NCOR2: variants seen among roughly 807,000 people sequenced by gnomAD.
NCOR2 encodes the protein nuclear receptor corepressor 2, also known as CTG repeat protein 26.
In NCOR2, 81 loss-of-function variants were observed where a neutral mutation model predicts 262.9. The observed-to-expected ratio is 0.31, with a 90% CI of 0.26 to 0.37. NCOR2 has a LOEUF of 0.37. Ranked by LOEUF, NCOR2 falls within the 10% of genes least tolerant of loss-of-function variation. NCOR2 has a pLI of 1.00. For missense variants in NCOR2, 3,385 were observed against 3,621.4 expected, an observed-to-expected ratio of 0.93 and a Z score of 1.68; for synonymous variants, 1,659 against 1,559.3, an observed-to-expected ratio of 1.06 and a Z score of -1.51.
In NCOR2 at chr12:124,457,626, C is replaced by A. The variant is rs1182196302; in HGVS notation, c.706-464G>T. On this transcript the variant is annotated intron_variant, in intron 5 of 46. Transcript: ENST00000405201. The surrounding 1 kb of genome is among the most constrained non-coding windows in gnomAD (Gnocchi z 4.0). ...AGGAGGAGGGAGGGTGAGATAGAGGCGCTCGGAGATACCCTTTCTAGGATT... is the reference window on the plus strand; with the variant it reads ...AGGAGGAGGGAGGGTGAGATAGAGGAGCTCGGAGATACCCTTTCTAGGATT... Among the ~76,000 whole-genome samples, 1 of 152,170 alleles carries A rather than the reference C, an allele frequency of 6.6e-6. No individual in the cohort carries two copies. Among genetic ancestry groups the A allele is most frequent in the Non-Finnish European group, 1.5e-5 (1 of 68,024 alleles).
At chr12:124,485,531 T>C (rs2047725758) in intron 2 of NCOR2, among the ~76,000 whole-genome samples, 1 of 152,214 alleles carries the variant, frequency 6.6e-6, no homozygotes, top group Admixed American at 6.5e-5. Flanking sequence ...GGAATGCACT[T>C]CTGTGGCTTG....
At chr12:124,456,725 C>A (rs1223593839) in intron 6 of NCOR2, among the ~76,000 whole-genome samples, 1 of 152,224 alleles carries the variant, frequency 6.6e-6, no homozygotes, top group African/African-American at 2.4e-5. Flanking sequence ...AAGCGGTGCA[C>A]CTGGGAGTGG....
intron 23 of NCOR2, among the ~76,000 whole-genome samples, chr12:124,355,945 A>G (rs1392460413): frequency 6.6e-6 from 1 of 152,120 alleles, no homozygotes. Context: ...TGTGCCCTCG[A>G]TGGCTCCCAC....
rs2044943957 is a variant in NCOR2, at chr12:124,443,322, G to A, written c.816-5326C>T. 1.3e-5 allele frequency among the ~76,000 whole-genome samples: 2 copies of A among 152,082 alleles called. No individual in the cohort carries two copies. The highest frequency in any genetic ancestry group is 2.9e-5 in the Non-Finnish European group (2 of 68,012). ...GTGTGAATCCACCCTGGCTGATCCAGGTTTCCTCCCAAAGCAAGGACACTG... is the reference window on the plus strand; with the variant it reads ...GTGTGAATCCACCCTGGCTGATCCAAGTTTCCTCCCAAAGCAAGGACACTG... On this transcript the variant is annotated intron_variant, in intron 7 of 46. Transcript: ENST00000405201. The surrounding 1 kb of genome is among the most constrained non-coding windows in gnomAD (Gnocchi z 4.4).
intron 10 of NCOR2, among the ~76,000 whole-genome samples, chr12:124,428,249 C>T (rs1319313580): frequency 2.6e-5 from 4 of 152,222 alleles, no homozygotes; most frequent in East Asian, 1.9e-4. Flanking sequence ...GGGGCTGACA[C>T]GGCCCAGCTC....
chr12:124,480,892 A>G (rs2047426782), intron 3 of NCOR2, among the ~76,000 whole-genome samples: 1 of 136,072 alleles, frequency 7.3e-6, no homozygotes, highest in Admixed American at 7.2e-5. Flanking sequence ...GGGAGGGGCA[A>G]GGCCACTGGT....
intron 3 of NCOR2, among the ~76,000 whole-genome samples, chr12:124,475,729 G>A (rs1565977957): frequency 1.3e-5 from 2 of 152,230 alleles, no homozygotes. Context: ...ACCACCGTGG[G>A]AAGTGGGATT....
intron 20 of NCOR2, among the ~76,000 whole-genome samples, chr12:124,365,975 C>T (rs1340412095): frequency 6.6e-6 from 1 of 152,164 alleles, no homozygotes; most frequent in African/African-American, 2.4e-5. Flanking sequence ...CTACCACCAT[C>T]CGTTTCAACC....
chr12:124,427,035 C>G (rs2043591347), intron 10 of NCOR2, among the ~76,000 whole-genome samples: 1 of 152,196 alleles, frequency 6.6e-6, no homozygotes, highest in Non-Finnish European at 1.5e-5. Context: ...AGATTCAATG[C>G]AGAGAGCAGC....
intron 19 of NCOR2, 44 bp from the exon 22 acceptor site, chr12:124,372,654 G>A: frequency 1.9e-6 from 3 of 1,539,204 alleles, no homozygotes; most frequent in South Asian, 2.3e-5. Context: ...GGGTCTGGCG[G>A]GGCCTCCAGA....
rs535726629 is a variant in NCOR2 at position 124,544,235 on chromosome 12, C to CAGT, written c.-164-8627_-164-8625dup. 2.3e-4 allele frequency among the ~76,000 whole-genome samples: 35 copies of CAGT among 152,360 alleles called. No individual in the cohort carries two copies. In the South Asian group the frequency reaches 6.0e-3, roughly 26 times the overall value. On this transcript the variant is annotated intron_variant, in intron 1 of 32. Coordinates refer to the NCOR2 transcript ENST00000458234. ...GAGGAACATCACAACACCTGCCTCA[C>CAGT]AGTATGCTGTAGATGAACTCAGGTT...
At chr12:124,490,345 T>C (rs999886711) in intron 1 of NCOR2, among the ~76,000 whole-genome samples, 2 of 152,170 alleles carry the variant, frequency 1.3e-5, no homozygotes, top group Non-Finnish European at 2.9e-5. Flanking sequence ...ACCTGTTCTG[T>C]TCACAGCTGC....
intron 3 of NCOR2, among the ~76,000 whole-genome samples, chr12:124,476,762 C>T (rs1013030816): frequency 8.5e-5 from 13 of 152,128 alleles, no homozygotes; most frequent in African/African-American, 3.1e-4. Flanking sequence ...GTAAGTCCAT[C>T]ACCTGATGAA....
At chr12:124,346,759 C>G (rs776071968) in exon 31 of NCOR2, 1 of 1,557,002 alleles carries the variant, frequency 6.4e-7, no homozygotes, top group Admixed American at 1.9e-5. Flanking sequence ...CCCGTGAGGG[C>G]GGTGGGGGCG....
chr12:124,479,482 C>A (rs1385195415), intron 3 of NCOR2, among the ~76,000 whole-genome samples: 1 of 151,556 alleles, frequency 6.6e-6, no homozygotes. Flanking sequence ...CACGCAGGGA[C>A]ACACACAGGC....
chr12:124,339,406 C>A (rs1022346218), intron 37 of NCOR2, among the ~76,000 whole-genome samples: 70 of 128,298 alleles, frequency 5.5e-4, no homozygotes, highest in East Asian at 2.7e-3. Context: ...CTACCTACCA[C>A]CCACCCACCC....
At chr12:124,344,168 A>AGGGGCT (rs2036716338) in intron 32 of NCOR2, among the ~76,000 whole-genome samples, 1 of 152,196 alleles carries the variant, frequency 6.6e-6, no homozygotes, top group East Asian at 1.9e-4. Context: ...AAGAGGGCCC[A>AGGGGCT]GGGGCTGGGG....
At chr12:124,333,870 A>C (rs1177333707) in intron 41 of NCOR2, among the ~76,000 whole-genome samples, 1 of 40,398 alleles carries the variant, frequency 2.5e-5, no homozygotes. Context: ...GTGTGTGCGC[A>C]TGTGTGCGGG....
chr12:124,419,047 G>A (rs1297192578), intron 13 of NCOR2, among the ~76,000 whole-genome samples: 2 of 152,236 alleles, frequency 1.3e-5, no homozygotes, highest in East Asian at 3.9e-4. Context: ...CCTCCTCTGT[G>A]TGGTGCTCCC....
Sources: allele counts gnomAD v4.1 joint callset (sites outside exome capture counted in the v4.1 genomes callset), GRCh38; gene constraint gnomAD v4.1.1; non-coding constraint Gnocchi (gnomAD v3.1); transcripts MANE v1.5; gene names NCBI Gene and HGNC (gene_info 2026-07-23, HGNC 2026-07-21).